Variants in CTBP2 observed in about 807,000 individuals in gnomAD.
CTBP2 encodes the protein C-terminal binding protein 2, also known as C-terminal-binding protein 2.
Under a neutral mutation model 80.3 loss-of-function variants are expected in CTBP2, and 30 were observed. The observed-to-expected ratio is 0.37, with a 90% CI of 0.28 to 0.51. The LOEUF is 0.51. Ranked by LOEUF, CTBP2 falls within the 20% of genes least tolerant of loss-of-function variation. CTBP2 has a pLI of 0.93. For synonymous variants in CTBP2, 594 were observed against 587.4 expected, an observed-to-expected ratio of 1.01 and a Z score of -0.16; for missense variants, 1,212 against 1,375.3, an observed-to-expected ratio of 0.88 and a Z score of 1.88.
At chr10:124,995,363 C>T (rs1054013162) in intron 4 of CTBP2, among the ~76,000 whole-genome samples, 2 of 152,238 alleles carry the variant, frequency 1.3e-5, no homozygotes, top group East Asian at 3.9e-4. Context: ...CACTCCCCAA[C>T]GGCTGTCATT....
chr10:125,049,991 G>A (rs1962325131), intron 2 of CTBP2, among the ~76,000 whole-genome samples: 1 of 152,242 alleles, frequency 6.6e-6, no homozygotes, highest in African/African-American at 2.4e-5. Context: ...GACACCAGTA[G>A]TTTGGGCATG....
chr10:125,027,333 C>G lies in CTBP2; in HGVS notation c.427G>C (p.Gly143Arg). 1.2e-6 allele frequency: 2 copies of G among 1,613,746 alleles called. No homozygotes were observed. The highest frequency in any genetic ancestry group is 2.2e-5 in the East Asian group (1 of 44,874). Residue 143 changes from glycine (G) to arginine (R), a missense_variant, in exon 1 of 9, where the codon GGC (glycine) becomes CGC (arginine). Coordinates refer to ENST00000309035, the MANE Select transcript of CTBP2 (RefSeq NM_022802.3). Reference sequence around the variant, plus strand: ...ATTGGATCCCATGACGTTCTGCTGCCAAGCACTCCGTAGCTGGGGACCGGC... The same window carrying G: ...ATTGGATCCCATGACGTTCTGCTGCGAAGCACTCCGTAGCTGGGGACCGGC...
rs1232215826 is a variant in CTBP2 at position 125,003,461 on chromosome 10, C to T, written c.1710G>A (p.Leu570=). ...GCAGCGCCACCAGGGGGCGGGGGTGCAGGGGGCCGTTCATGATCTGGGGGC... is the reference window on the plus strand; with the variant it reads ...GCAGCGCCACCAGGGGGCGGGGGTGTAGGGGGCCGTTCATGATCTGGGGGC... Residue 570 remains leucine (L), a synonymous_variant, in exon 2 of 9, where the codon CTG becomes CTA. Coordinates refer to ENST00000309035, the MANE Select transcript of CTBP2 (RefSeq NM_022802.3). The T allele has an allele frequency of 1.3e-6, 2 of 1,576,604 alleles. No homozygotes were observed. Among genetic ancestry groups the T allele is most frequent in the East Asian group, 2.3e-5 (1 of 44,368 alleles).
chr10:125,009,716 C>T (rs1340816155), intron 1 of CTBP2, among the ~76,000 whole-genome samples: 1 of 152,128 alleles, frequency 6.6e-6, no homozygotes, highest in Non-Finnish European at 1.5e-5. Flanking sequence ...AAGCTGGGGG[C>T]CAGATTCTGA....
intron 2 of CTBP2, among the ~76,000 whole-genome samples, chr10:125,049,370 T>C (rs1962153264): frequency 6.6e-6 from 1 of 152,242 alleles, no homozygotes; most frequent in African/African-American, 2.4e-5. Flanking sequence ...CTTGGCCTGA[T>C]TTGGCAGAGG....
At chr10:125,046,387 A>C (rs75196297) in intron 2 of CTBP2, among the ~76,000 whole-genome samples, 11,109 of 151,972 alleles carry the variant, frequency 0.073, 486 homozygotes, top group South Asian at 0.18. Context: ...AAATACAAAA[A>C]ATTAGCCAGG....
At chr10:125,099,200 C>A in intron 2 of CTBP2, among the ~76,000 whole-genome samples, 1 of 152,200 alleles carries the variant, frequency 6.6e-6, no homozygotes. Context: ...TCAAATCTGA[C>A]GTCTGTTCTT....
At chr10:125,004,651 T>C (rs892747711) in intron 1 of CTBP2, among the ~76,000 whole-genome samples, 4 of 152,136 alleles carry the variant, frequency 2.6e-5, no homozygotes, top group African/African-American at 4.8e-5. Flanking sequence ...ATTAAAACTT[T>C]GGGGCTCATC....
chr10:125,026,914 A>C lies in CTBP2; in HGVS notation c.846T>G (p.Gly282=). Residue 282 remains glycine (G), a synonymous_variant, in exon 1 of 9, where the codon GGT becomes GGG. Coordinates refer to ENST00000309035, the MANE Select transcript of CTBP2 (RefSeq NM_022802.3). ...GGAGCACGGTCCTCTTGCCACCAGGACCCTGGAAGGTGGACAGGTCAGCTT... is the reference window on the plus strand; with the variant it reads ...GGAGCACGGTCCTCTTGCCACCAGGCCCCTGGAAGGTGGACAGGTCAGCTT... The C allele has an allele frequency of 6.2e-7, 1 of 1,613,982 alleles. No individual in the cohort carries two copies. The highest frequency in any genetic ancestry group is 8.5e-7 in the Non-Finnish European group (1 of 1,180,004).
intron 1 of CTBP2, among the ~76,000 whole-genome samples, chr10:125,151,643 GC>G (rs1274076425): frequency 6.6e-6 from 1 of 152,226 alleles, no homozygotes; most frequent in Non-Finnish European, 1.5e-5. Flanking sequence ...CCCCATGAGT[GC>G]CCGGAGTCCG....
At chr10:125,108,537 C>CATGGGA (rs1851806946) in intron 2 of CTBP2, among the ~76,000 whole-genome samples, 1 of 152,202 alleles carries the variant, frequency 6.6e-6, no homozygotes, top group African/African-American at 2.4e-5. Context: ...ACATGACCTC[C>CATGGGA]TTGTGTTGCT....
chr10:125,033,565 G>A (rs1958495393), intron 3 of CTBP2, among the ~76,000 whole-genome samples: 1 of 152,312 alleles, frequency 6.6e-6, no homozygotes, highest in South Asian at 2.1e-4. Flanking sequence ...CAATTAGGTT[G>A]AGCTGTGTGA....
chr10:125,126,131 C>T (rs993979044), intron 1 of CTBP2, among the ~76,000 whole-genome samples: 1 of 151,980 alleles, frequency 6.6e-6, no homozygotes, highest in Non-Finnish European at 1.5e-5. Flanking sequence ...TGGGAGAGGC[C>T]CGCTGGACAC....
rs1445522750 is a variant in CTBP2, at chr10:124,989,281, A to C, written c.*237T>G. ...GATTTGATGCACAGATGAAAAACTT[A>C]ACACACAATAACAGAAGTTGGTCGT... On this transcript the variant is annotated 3_prime_UTR_variant, in exon 9 of 9. Transcript: ENST00000309035. The C allele has an allele frequency of 1.7e-5, 9 of 544,552 alleles. No individual in the cohort carries two copies. Among genetic ancestry groups the C allele is most frequent in the Non-Finnish European group, 2.3e-5 (7 of 304,312 alleles). 33.7% of individuals were successfully genotyped at this position (544,552 alleles called of 1,614,324 possible).
In CTBP2 at chr10:125,155,697, ACT is replaced by A. The variant is rs1232812156; in HGVS notation, c.-206+4620_-206+4621del. Reference sequence around the variant, plus strand: ...CCAAGATAGGATTAAAAAAAAAAAAACTCTTTCATAAGTCTTTGATACATATT... The same window carrying A: ...CCAAGATAGGATTAAAAAAAAAAAAACTTTCATAAGTCTTTGATACATATT... On this transcript the variant is annotated intron_variant, in intron 1 of 10. Coordinates refer to the CTBP2 transcript ENST00000337195. Among the ~76,000 whole-genome samples, 5 of 150,970 alleles carry A rather than the reference ACT, an allele frequency of 3.3e-5. No homozygotes were observed. In the South Asian group the frequency reaches 8.3e-4, roughly 25 times the overall value.
intron 6 of CTBP2, among the ~76,000 whole-genome samples, chr10:124,993,560 T>C (rs1953015948): frequency 6.6e-6 from 1 of 152,218 alleles, no homozygotes; most frequent in Non-Finnish European, 1.5e-5. Flanking sequence ...TATTGAAGGC[T>C]TGTCCTGCTG....
chr10:125,104,808 A>G (rs752515241), intron 2 of CTBP2, among the ~76,000 whole-genome samples: 1 of 152,240 alleles, frequency 6.6e-6, no homozygotes, highest in Non-Finnish European at 1.5e-5. Context: ...AAGTTTGCCA[A>G]AAATAAATGA....
chr10:125,118,576 C>T (rs781174414), intron 1 of CTBP2, among the ~76,000 whole-genome samples: 1 of 152,108 alleles, frequency 6.6e-6, no homozygotes, highest in Non-Finnish European at 1.5e-5. Context: ...CAGAGGCAGC[C>T]GGTGTGAGCA....
chr10:125,124,171 G>A (rs530492063), intron 1 of CTBP2, among the ~76,000 whole-genome samples: 30 of 152,238 alleles, frequency 2.0e-4, no homozygotes, highest in Middle Eastern at 6.8e-3. Flanking sequence ...CCAGAGCTAC[G>A]CCCCTGCTTC....
Sources: gnomAD v4.1 joint callset for allele counts (sites outside exome capture counted in the v4.1 genomes callset) on GRCh38, gnomAD v4.1.1 for gene constraint, MANE v1.5 for transcripts, NCBI Gene and HGNC (gene_info 2026-07-23, HGNC 2026-07-21) for gene names.